RYR3: variants seen among roughly 807,000 people sequenced by gnomAD.
RYR3 encodes brain ryanodine receptor-calcium release channel.
A neutral mutation model predicts 584.3 loss-of-function variants in RYR3; 207 were observed. That is an observed-to-expected ratio of 0.35 (90% CI 0.32 to 0.40). The LOEUF is 0.40. Among genes scored for constraint, RYR3 ranks in the 10% least tolerant of loss-of-function variants. The probability of loss-of-function intolerance (pLI) is 1.00; values close to 1 mark genes in which losing one functional copy is unlikely to be tolerated. For synonymous variants in RYR3, 2,416 were observed against 2,248.5 expected (o/e 1.07, Z -2.11); for missense variants, 5,616 against 6,089.2 (o/e 0.92, Z 2.59).
intron 51 of RYR3, 22 bp from the exon 52 acceptor site, chr15:33,742,344 A>AT (rs779455770): frequency 3.0e-5 from 47 of 1,549,354 alleles, no homozygotes; most frequent in East Asian, 4.5e-5. Context: ...GGAGGTTGTA[A>AT]TTTTTTTTCC....
At chr15:33,496,091 C>T (rs2051394668) in intron 2 of RYR3, among the ~76,000 whole-genome samples, 1 of 152,184 alleles carries the variant, frequency 6.6e-6, no homozygotes, top group Non-Finnish European at 1.5e-5. Context: ...TGACCTGGGA[C>T]ATTTTCTAGA....
chr15:33,312,446 C>A (rs1272975083), intron 1 of RYR3, among the ~76,000 whole-genome samples: 1 of 152,188 alleles, frequency 6.6e-6, no homozygotes, highest in Non-Finnish European at 1.5e-5. Context: ...ATCTCTTCAT[C>A]CTTCGTCTGA....
In RYR3 at chr15:33,503,402, G is replaced by A. The variant is rs148389425; in HGVS notation, c.172-229G>A. Among the ~76,000 whole-genome samples, 469 of 152,162 alleles carry A rather than the reference G, an allele frequency of 3.1e-3. 5 individuals are homozygous for A. The highest frequency in any genetic ancestry group is 9.8e-3 in the African/African-American group (405 of 41,510). On this transcript the variant is annotated intron_variant, in intron 2 of 103. Transcript: ENST00000634891. ...TGAACCACCAGCCTTCCCTCAAGTC[G>A]ATCCTGACATGTTGGAAACTATTCC...
chr15:33,519,914 G>A (rs1003927250), intron 3 of RYR3, among the ~76,000 whole-genome samples: 24 of 152,096 alleles, frequency 1.6e-4, no homozygotes, highest in Admixed American at 6.6e-4. Flanking sequence ...GTTTTGCTGG[G>A]TAATATAAAC....
At chr15:33,794,146 AAATATAT>A (rs376628007) in intron 67 of RYR3, among the ~76,000 whole-genome samples, 2,564 of 99,416 alleles carry the variant, frequency 0.026, 166 homozygotes, top group Admixed American at 0.046. Flanking sequence ...TAATATACAT[AAATATAT>A]AATATATAAT....
intron 1 of RYR3, among the ~76,000 whole-genome samples, chr15:33,464,291 G>A (rs1206716652): frequency 6.6e-6 from 1 of 151,502 alleles, no homozygotes. Flanking sequence ...AGGAAGTGAG[G>A]GAGGGAGCCC....
In RYR3 at chr15:33,662,261, C is replaced by G; in HGVS notation, c.4731C>G (p.Ala1577=). The change falls in exon 35 of 104, where the codon GCC becomes GCG. Residue 1577 remains alanine (A), a synonymous_variant. Coordinates refer to ENST00000634891, the MANE Select transcript of RYR3 (RefSeq NM_001036.6). ...GCGCCCTGGGAAACAGCCGCGTGGC[C>G]TACGCCCTGTGCAGCCACGTGGACC... ...AVCALGNSRV[A]YALCSHVDLS... 1 of 1,610,518 alleles carries G rather than the reference C, an allele frequency of 6.2e-7. No homozygotes were observed. The highest frequency in any genetic ancestry group is 8.5e-7 in the Non-Finnish European group (1 of 1,178,558).
chr15:33,334,714 A>G (rs566786447), intron 1 of RYR3, among the ~76,000 whole-genome samples: 1 of 152,346 alleles, frequency 6.6e-6, no homozygotes, highest in Admixed American at 6.5e-5. Flanking sequence ...GCACAGCAAA[A>G]GAAAACTATC....
intron 1 of RYR3, among the ~76,000 whole-genome samples, chr15:33,381,960 A>C (rs938130223): frequency 1.3e-5 from 2 of 152,176 alleles, no homozygotes; most frequent in Non-Finnish European, 2.9e-5. Flanking sequence ...TATAACAGTT[A>C]TTTCCAGAGC....
At chr15:33,336,619 C>T (rs909955045) in intron 1 of RYR3, among the ~76,000 whole-genome samples, 4 of 151,544 alleles carry the variant, frequency 2.6e-5, no homozygotes, top group African/African-American at 9.7e-5. Context: ...CACATTGGCT[C>T]AGCAGCATGG....
chr15:33,797,693 A>G (rs1415980790), intron 67 of RYR3, among the ~76,000 whole-genome samples: 1 of 152,098 alleles, frequency 6.6e-6, no homozygotes, highest in Non-Finnish European at 1.5e-5. Flanking sequence ...AACGTTACCC[A>G]AGATTTTGTT....
intron 3 of RYR3, among the ~76,000 whole-genome samples, chr15:33,527,370 C>T (rs1329190051): frequency 6.6e-6 from 1 of 152,172 alleles, no homozygotes; most frequent in African/African-American, 2.4e-5. Context: ...CACTTGAGGT[C>T]AGGAGTTCGA....
At chr15:33,576,192 G>A (rs589134) in intron 12 of RYR3, among the ~76,000 whole-genome samples, 132,699 of 152,176 alleles carry the variant, frequency 0.87, 58,547 homozygotes, top group Middle Eastern at 0.98. Flanking sequence ...TACCAGGTAC[G>A]AAGAGGAGCT....
chr15:33,571,046 G>A (rs185840507), intron 12 of RYR3, among the ~76,000 whole-genome samples: 2 of 151,892 alleles, frequency 1.3e-5, no homozygotes, highest in East Asian at 3.9e-4. Context: ...TTTCCAATAG[G>A]GATGCCCTTT....
chr15:33,789,621 ATT>A (rs199709045), intron 67 of RYR3, among the ~76,000 whole-genome samples: 2,821 of 29,732 alleles, frequency 0.095, 474 homozygotes, highest in East Asian at 0.29. Context: ...ACCAGGTTTT[ATT>A]TTATATATAT....
Position 33,635,750 on chromosome 15 carries a change from G to A in RYR3, c.3312G>A (p.Ala1104=), listed in dbSNP as rs565425018. Residue 1104 remains alanine (A), a synonymous_variant, in exon 26 of 104, where the codon GCG becomes GCA. Coordinates refer to ENST00000634891, the MANE Select transcript of RYR3 (RefSeq NM_001036.6). ...GAGGAGACATGCGAGTCGGCTGGGCGAGGCCAGGCTGTCGACCTGATGTCG... is the reference window on the plus strand; with the variant it reads ...GAGGAGACATGCGAGTCGGCTGGGCAAGGCCAGGCTGTCGACCTGATGTCG... ...VTGGDMRVGW[A]RPGCRPDVEL... is the part of the protein sequence containing the mutation. 83 of 1,613,892 alleles carry A rather than the reference G, an allele frequency of 5.1e-5. No individual in the cohort carries two copies. The highest frequency in any genetic ancestry group is 4.1e-4 in the African/African-American group (31 of 75,068).
In RYR3 at chr15:33,832,656, C is replaced by CAA. The variant is rs34289866; in HGVS notation, c.11463+1580_11463+1581dup. On this transcript the variant is annotated intron_variant, in intron 86 of 103. Coordinates refer to ENST00000634891, the MANE Select transcript of RYR3 (RefSeq NM_001036.6). ...TGGGTGACAGAGCGAGACTCTGTCT[C>CAA]AAAAAAAAAAAAAAAACCCTACATA... 1.1e-3 allele frequency among the ~76,000 whole-genome samples: 120 copies of CAA among 112,146 alleles called. 2 individuals carry two copies. The highest frequency in any genetic ancestry group is 6.4e-3 in the East Asian group (21 of 3,256). The allele number at this position is 112,146 out of a possible 152,430, so 73.6% of individuals were successfully genotyped here. A position where few individuals can be genotyped will look rare whatever the true frequency, so the allele number is the denominator to read the frequency against.
At chr15:33,828,477 A>C (rs2077491374) in intron 85 of RYR3, among the ~76,000 whole-genome samples, 1 of 152,228 alleles carries the variant, frequency 6.6e-6, no homozygotes, top group African/African-American at 2.4e-5. Context: ...GCAAAGAAAA[A>C]GTTATTAAAG....
chr15:33,661,633 G>A (rs2152705129), intron 34 of RYR3, among the ~76,000 whole-genome samples: 1 of 152,172 alleles, frequency 6.6e-6, no homozygotes, highest in Non-Finnish European at 1.5e-5. Context: ...CTTATAAGGA[G>A]CATGCAGCCT....
Sources: allele counts gnomAD v4.1 joint callset (sites outside exome capture counted in the v4.1 genomes callset), GRCh38; gene constraint gnomAD v4.1.1; transcripts MANE v1.5; gene names NCBI Gene and HGNC (gene_info 2026-07-23, HGNC 2026-07-21).